FBXW11: variants seen among roughly 807,000 people sequenced by gnomAD.
The protein encoded by FBXW11 is F-box and WD repeat domain containing 11, also known as F-box/WD repeat-containing protein 11.
A neutral mutation model predicts 77.6 loss-of-function variants in FBXW11; 19 were observed. The observed-to-expected ratio is 0.24, with a 90% confidence interval of 0.17 to 0.36. The LOEUF (loss-of-function observed/expected upper bound fraction) is 0.36, where lower values mean the gene tolerates loss of function less well. Among genes scored for constraint, FBXW11 ranks in the 10% least tolerant of loss-of-function variants. FBXW11 has a pLI of 1.00. For synonymous variants in FBXW11, 235 were observed against 249.4 expected (o/e 0.94, Z 0.54); for missense variants, 334 against 704.2 (o/e 0.47, Z 5.95).
chr5:171,904,612 G>A lies in FBXW11; in HGVS notation c.437-4512C>T, dbSNP rs538019788. ...TTTGGAAACAGATTCTCACTCTGTC[G>A]CCAGTATGGAGTGCAGTGGTGGGAT... On this transcript the variant is annotated intron_variant, in intron 4 of 13. Coordinates refer to ENST00000517395, the MANE Select transcript of FBXW11 (RefSeq NM_001378974.1). This position sits in a 1 kb window ranked among gnomAD's most constrained non-coding sequence, Gnocchi z 4.0. Among the ~76,000 whole-genome samples the A allele has an allele frequency of 3.4e-4, 52 of 152,104 alleles. No homozygotes were observed. Among genetic ancestry groups the A allele is most frequent in the Admixed American group, 5.2e-4 (8 of 15,274 alleles).
intron 1 of FBXW11, among the ~76,000 whole-genome samples, chr5:171,962,478 T>G (rs1241221126): frequency 3.3e-5 from 5 of 152,228 alleles, no homozygotes; most frequent in African/African-American, 1.2e-4. Context: ...AGATTGTATA[T>G]TTGTAGGTTC....
At chr5:171,923,909 CTTTTTTTTTTTTTT>C (rs70982354) in intron 2 of FBXW11, among the ~76,000 whole-genome samples, 151 of 49,194 alleles carry the variant, frequency 3.1e-3, no homozygotes, top group African/African-American at 0.013. Context: ...GAAACCCCAC[CTTTTTTTTTTTTTT>C]TTTTTTTTTT....
At chr5:171,917,662 T>C (rs563331263) in intron 2 of FBXW11, among the ~76,000 whole-genome samples, 152 of 152,222 alleles carry the variant, frequency 1.0e-3, no homozygotes, top group Non-Finnish European at 2.0e-3. Context: ...ATCCAGAGGA[T>C]TCCAGGCAAT....
Position 171,863,751 on chromosome 5 carries a change from A to G in FBXW11, c.*376T>C, listed in dbSNP as rs921315046. 1.7e-4 allele frequency: 26 copies of G among 152,680 alleles called. No individual in the cohort carries two copies. The highest frequency in any genetic ancestry group is 5.5e-4 in the African/African-American group (23 of 41,458). 9.5% of individuals were successfully genotyped at this position (152,680 alleles called of 1,614,324 possible). On this transcript the variant is annotated 3_prime_UTR_variant, in exon 14 of 14. Transcript: ENST00000517395. Reference sequence around the variant, plus strand: ...GAATGCTGTTTCTTAATATCAAACCAAAGTGCAAAGCAATATAAATTAGAG... The same window carrying G: ...GAATGCTGTTTCTTAATATCAAACCGAAGTGCAAAGCAATATAAATTAGAG...
At chr5:171,926,363 C>T (rs1348579036) in intron 2 of FBXW11, among the ~76,000 whole-genome samples, 1 of 152,158 alleles carries the variant, frequency 6.6e-6, no homozygotes, top group Non-Finnish European at 1.5e-5. Context: ...ATCCTGGCAC[C>T]CAAGCAGGGC....
chr5:171,879,429 T>C (rs1471016827), intron 7 of FBXW11, among the ~76,000 whole-genome samples: 6 of 152,216 alleles, frequency 3.9e-5, no homozygotes, highest in Admixed American at 3.9e-4. Context: ...TGGGTGCAGG[T>C]TTTTGTGTAG....
At chr5:171,952,865 C>T (rs766572662) in intron 2 of FBXW11, among the ~76,000 whole-genome samples, 1 of 151,532 alleles carries the variant, frequency 6.6e-6, no homozygotes, top group Non-Finnish European at 1.5e-5. Context: ...TTTTTTCTTT[C>T]GCAATTTTTT....
intron 1 of FBXW11, among the ~76,000 whole-genome samples, chr5:171,993,654 C>T (rs1160663169): frequency 6.6e-6 from 1 of 152,058 alleles, no homozygotes; most frequent in Non-Finnish European, 1.5e-5. Context: ...CATGCCAACA[C>T]ACATATCACT....
chr5:171,921,704 T>C (rs1211866352), intron 2 of FBXW11, among the ~76,000 whole-genome samples: 3 of 152,110 alleles, frequency 2.0e-5, no homozygotes, highest in Non-Finnish European at 4.4e-5. Context: ...GAGAGCAATA[T>C]TTACATTTTA....
At chr5:171,868,497 C>G in intron 13 of FBXW11, 113 bp downstream of exon 13, 2 of 805,880 alleles carry the variant, frequency 2.5e-6, no homozygotes, top group Admixed American at 2.5e-5. Flanking sequence ...AAAGTTGACA[C>G]GTCTAAGAGA....
intron 2 of FBXW11, among the ~76,000 whole-genome samples, chr5:171,941,355 A>AAGGT (rs1260771710): frequency 6.6e-6 from 1 of 152,126 alleles, no homozygotes; most frequent in East Asian, 1.9e-4. Flanking sequence ...CAGAAGTGTC[A>AAGGT]AGGTCGTGGA....
chr5:171,978,747 GTTCCTCACCC>G (rs1404463688), intron 1 of FBXW11, among the ~76,000 whole-genome samples: 1 of 152,168 alleles, frequency 6.6e-6, no homozygotes, highest in Non-Finnish European at 1.5e-5. Flanking sequence ...AAAATCAGAA[GTTCCTCACCC>G]TAGTGATTTC....
At chr5:171,936,235 G>A (rs931452700) in intron 2 of FBXW11, among the ~76,000 whole-genome samples, 1 of 151,828 alleles carries the variant, frequency 6.6e-6, no homozygotes, top group African/African-American at 2.4e-5. Context: ...GCTCATGCCT[G>A]TAATCCCAAC....
intron 7 of FBXW11, among the ~76,000 whole-genome samples, chr5:171,887,178 T>G (rs1023588506): frequency 6.6e-6 from 1 of 152,174 alleles, no homozygotes; most frequent in Non-Finnish European, 1.5e-5. Flanking sequence ...GCATGCAGTG[T>G]TATCTAAACT....
chr5:171,876,417 A>G lies in FBXW11; in HGVS notation c.1089T>C (p.Ile363=), dbSNP rs1309777017. 1.2e-6 allele frequency: 2 copies of G among 1,614,122 alleles called. No individual in the cohort carries two copies. The highest frequency in any genetic ancestry group is 1.7e-6 in the Non-Finnish European group (2 of 1,180,004). Residue 363 remains isoleucine (I), a synonymous_variant, in exon 9 of 14, where the codon ATT becomes ATC. Coordinates refer to ENST00000517395, the MANE Select transcript of FBXW11 (RefSeq NM_001378974.1). This position sits in a 1 kb window ranked among gnomAD's most constrained non-coding sequence, Gnocchi z 4.2. ...LMVTCSKDRS[I]AVWDMASATD... The stretch of plus-strand genomic sequence containing the variant: ...TCGCAGAAGCCATGTCCCACACAGC[A>G]ATGGAGCGGTCCTTGGAACAGGTCA...
intron 1 of FBXW11, among the ~76,000 whole-genome samples, chr5:171,970,592 A>G (rs1235360242): frequency 6.6e-6 from 1 of 152,220 alleles, no homozygotes; most frequent in Non-Finnish European, 1.5e-5. Context: ...ATTTTCAAAG[A>G]CTTAACAGGC....
chr5:171,913,263 G>C lies in FBXW11; in HGVS notation c.210+1080C>G, dbSNP rs369537806. 2.6e-5 allele frequency among the ~76,000 whole-genome samples: 4 copies of C among 152,270 alleles called. No individual in the cohort carries two copies. The East Asian group carries it at 7.7e-4, about 29-fold the overall frequency. On this transcript the variant is annotated intron_variant, in intron 3 of 13. Transcript: ENST00000517395. ...CCATTAATTCATTTGATAAACAAAAGTGTTATTTTATTTACAGATAAGTTC... is the reference window on the plus strand; with the variant it reads ...CCATTAATTCATTTGATAAACAAAACTGTTATTTTATTTACAGATAAGTTC...
At chr5:171,924,474 G>A (rs1761776507) in intron 2 of FBXW11, among the ~76,000 whole-genome samples, 1 of 152,098 alleles carries the variant, frequency 6.6e-6, no homozygotes, top group Admixed American at 6.5e-5. Flanking sequence ...CATTTTGAGT[G>A]CCCTCTCCGC....
chr5:171,866,821 T>G (rs1414940434), intron 13 of FBXW11, among the ~76,000 whole-genome samples: 1 of 152,298 alleles, frequency 6.6e-6, no homozygotes, highest in East Asian at 1.9e-4. Flanking sequence ...TAATTCCTAT[T>G]TTAAAGCTCC....
Sources: gnomAD v4.1 joint callset for allele counts (sites outside exome capture counted in the v4.1 genomes callset) on GRCh38, gnomAD v4.1.1 for gene constraint, Gnocchi (gnomAD v3.1) non-coding constraint, MANE v1.5 for transcripts, NCBI Gene and HGNC (gene_info 2026-07-23, HGNC 2026-07-21) for gene names.